Variants in ZNF469 observed in about 807,000 individuals in gnomAD.
ZNF469 encodes zinc finger protein 469.
A neutral mutation model predicts 1.0 loss-of-function variants in ZNF469; 1 was observed. The observed-to-expected ratio is 1.00, with a 90% confidence interval of 0.35 to 4.73. The LOEUF is 4.73. Among genes scored for constraint, ZNF469 ranks in the 30% most tolerant of loss-of-function variants. ZNF469 has a pLI of 0.16. For synonymous variants in ZNF469, 2,703 were observed against 2,363.4 expected (o/e 1.14, Z -4.17); for missense variants, 6,100 against 5,356.3 (o/e 1.14, Z -4.33).
At chr16:88,204,447 T>C in the ZNF469 span, among the ~76,000 whole-genome samples, 1 of 152,234 alleles carries the variant, frequency 6.6e-6, no homozygotes, top group African/African-American at 2.4e-5. Flanking sequence ...CCATTCTGTT[T>C]CCCACTTCTT....
chr16:88,230,188 T>C, the ZNF469 span, among the ~76,000 whole-genome samples: 1 of 152,266 alleles, frequency 6.6e-6, no homozygotes, highest in African/African-American at 2.4e-5. Context: ...GTCCCGCTCG[T>C]GGTTTTCCCA....
chr16:88,397,958 G>T (rs563131308), intron 1 of ZNF469, among the ~76,000 whole-genome samples: 1 of 152,222 alleles, frequency 6.6e-6, no homozygotes, highest in Non-Finnish European at 1.5e-5. Context: ...CAGGGTCAGA[G>T]GTTCTGCCCT....
chr16:88,321,217 C>G, the ZNF469 span, among the ~76,000 whole-genome samples: 1 of 152,260 alleles, frequency 6.6e-6, no homozygotes, highest in South Asian at 2.1e-4. Flanking sequence ...GTTTCCCCCT[C>G]GGGATCTTGC....
the ZNF469 span, among the ~76,000 whole-genome samples, chr16:88,345,930 A>G: frequency 6.6e-6 from 1 of 152,108 alleles, no homozygotes; most frequent in East Asian, 1.9e-4. Context: ...TATCACTACA[A>G]TGACCTGGCA....
intron 1 of ZNF469, among the ~76,000 whole-genome samples, chr16:88,387,816 T>C (rs1424103192): frequency 6.6e-6 from 1 of 152,166 alleles, no homozygotes; most frequent in Admixed American, 6.5e-5. Flanking sequence ...CACCCAGCTC[T>C]TGAAGCAAGA....
At chr16:88,158,631 C>T in the ZNF469 span, among the ~76,000 whole-genome samples, 12 of 152,292 alleles carry the variant, frequency 7.9e-5, no homozygotes, top group East Asian at 1.9e-4. Flanking sequence ...AGGAGAGGAC[C>T]GTGAGCCTGG....
the ZNF469 span, among the ~76,000 whole-genome samples, chr16:88,234,483 C>G: frequency 6.6e-6 from 1 of 152,228 alleles, no homozygotes. Flanking sequence ...CGGAGCTGGG[C>G]TAAGCCAGTT....
At chr16:88,423,039 A>G (rs1339695806) in intron 1 of ZNF469, among the ~76,000 whole-genome samples, 7 of 143,084 alleles carry the variant, frequency 4.9e-5, no homozygotes, top group South Asian at 2.3e-4. Flanking sequence ...ATGGATGGGT[A>G]GGTGGGTGGA....
chr16:88,240,511 G>A, the ZNF469 span, among the ~76,000 whole-genome samples: 6 of 152,170 alleles, frequency 3.9e-5, no homozygotes, highest in African/African-American at 1.4e-4. Flanking sequence ...CCCACCAGGT[G>A]CAAGAATTGA....
Position 88,439,010 on chromosome 16 carries a change from C to G in ZNF469, c.11540C>G (p.Thr3847Ser). ...APSAPDKPPR[T>S]PRKQATPSRV... ...TCAGCCCCTGACAAGCCCCCCCGGA[C>G]CCCTCGGAAGCAGGCAACTCCCAGC... is the stretch of plus-strand genomic sequence containing the variant. Residue 3847 changes from threonine (T) to serine (S), a missense_variant, in exon 3 of 3, where the codon ACC becomes AGC. Thr to Ser is a moderately conservative substitution (Grantham distance 58). Transcript: ENST00000565624. 6.5e-7 allele frequency: 1 copy of G among 1,550,350 alleles called. No homozygotes were observed. The highest frequency in any genetic ancestry group is 8.7e-7 in the Non-Finnish European group (1 of 1,146,970).
chr16:88,188,988 C>G, the ZNF469 span, among the ~76,000 whole-genome samples: 1 of 152,066 alleles, frequency 6.6e-6, no homozygotes, highest in South Asian at 2.1e-4. Flanking sequence ...TCCTTTTTCC[C>G]TTTTGGAAAG....
chr16:88,434,793 C>T lies in ZNF469; in HGVS notation c.7323C>T (p.Pro2441=). The T allele has an allele frequency of 1.3e-6, 2 of 1,550,388 alleles. No homozygotes were observed. Among genetic ancestry groups the T allele is most frequent in the African/African-American group, 1.4e-5 (1 of 73,194 alleles). ...HQTPQGDPLG[P]QDLKQRSRGY... ...CTCCCCAGGGGGACCCCCTCGGCCC[C>T]CAAGACCTCAAACAGAGGTCCCGTG... Residue 2441 remains proline (P), a synonymous_variant, in exon 3 of 3, where the codon CCC becomes CCT. Coordinates refer to ENST00000565624, the MANE Select transcript of ZNF469 (RefSeq NM_001367624.2).
chr16:88,133,198 C>G, the ZNF469 span, among the ~76,000 whole-genome samples: 1 of 152,258 alleles, frequency 6.6e-6, no homozygotes, highest in Non-Finnish European at 1.5e-5. Context: ...AAACAGGGCC[C>G]TGCCAGGGCT....
chr16:88,318,368 C>T, the ZNF469 span, among the ~76,000 whole-genome samples: 1 of 151,928 alleles, frequency 6.6e-6, no homozygotes, highest in Admixed American at 6.5e-5. Flanking sequence ...CCCCCTTCCT[C>T]CTCTCCATGC....
chr16:88,270,463 C>T, the ZNF469 span, among the ~76,000 whole-genome samples: 1 of 152,200 alleles, frequency 6.6e-6, no homozygotes, highest in Non-Finnish European at 1.5e-5. Context: ...GCCAGAGGCT[C>T]AGGACAAGGC....
chr16:88,368,433 C>G, the ZNF469 span, among the ~76,000 whole-genome samples: 2 of 152,240 alleles, frequency 1.3e-5, no homozygotes, highest in Middle Eastern at 6.3e-3. Flanking sequence ...TCCATCCTTT[C>G]TCTTCAGGGC....
the ZNF469 span, among the ~76,000 whole-genome samples, chr16:88,364,901 G>C: frequency 1.3e-5 from 2 of 152,174 alleles, no homozygotes; most frequent in African/African-American, 4.8e-5. Flanking sequence ...AGGGGCGGGG[G>C]TTACAGCAAG....
the ZNF469 span, among the ~76,000 whole-genome samples, chr16:88,270,545 G>C: frequency 2.0e-5 from 3 of 152,178 alleles, no homozygotes; most frequent in African/African-American, 4.8e-5. Context: ...ATGCTTCTGT[G>C]CCTGAGCTTC....
the ZNF469 span, among the ~76,000 whole-genome samples, chr16:88,324,301 T>C: frequency 6.6e-6 from 1 of 152,234 alleles, no homozygotes; most frequent in Non-Finnish European, 1.5e-5. Flanking sequence ...AGGTCCAGAT[T>C]CAAAGGCAGA....
Sources: allele counts gnomAD v4.1 joint callset (sites outside exome capture counted in the v4.1 genomes callset), GRCh38; gene constraint gnomAD v4.1.1; transcripts MANE v1.5; gene names NCBI Gene and HGNC (gene_info 2026-07-23, HGNC 2026-07-21).